GABRB2: variants seen among roughly 807,000 people sequenced by gnomAD.
The protein encoded by GABRB2 is gamma-aminobutyric acid type A receptor subunit beta2.
GABRB2 carries 16 observed loss-of-function variants against 54.7 expected under a neutral mutation model. The observed-to-expected ratio is 0.29, with a 90% CI of 0.20 to 0.44. GABRB2 has a LOEUF of 0.44. GABRB2 is among the 20% of genes least tolerant of loss of function. The pLI is 1.00. For synonymous variants in GABRB2, 244 were observed against 233.8 expected, an observed-to-expected ratio of 1.04 and a Z score of -0.40; for missense variants, 355 against 644.0, an observed-to-expected ratio of 0.55 and a Z score of 4.86.
rs1333556776 is a variant in GABRB2 at position 161,290,535 on chromosome 5, TA to T, written c.*3545del. On this transcript the variant is annotated 3_prime_UTR_variant, in exon 10 of 10. Transcript: ENST00000393959. ...GTATGTTGATTTTTGTTTGCCAAAT[TA>T]AAAATACTCATATACTGGTTTAATG... 6.6e-6 allele frequency: 1 copy of T among 152,548 alleles called. No homozygotes were observed. Among genetic ancestry groups the T allele is most frequent in the African/African-American group, 2.4e-5 (1 of 41,432 alleles). The allele number at this position is 152,548 out of a possible 1,614,324, so 9.4% of individuals were successfully genotyped here.
At chr5:161,484,358 C>T (rs1758854751) in intron 3 of GABRB2, among the ~76,000 whole-genome samples, 3 of 151,962 alleles carry the variant, frequency 2.0e-5, no homozygotes, top group African/African-American at 7.2e-5. Context: ...TTCTTACTAA[C>T]TTCCCTTCTC....
At chr5:161,334,315 G>A (rs1055196065) in intron 7 of GABRB2, among the ~76,000 whole-genome samples, 1 of 152,168 alleles carries the variant, frequency 6.6e-6, no homozygotes, top group Non-Finnish European at 1.5e-5. Flanking sequence ...CCTTAGTCAT[G>A]CTACTCTGAA....
chr5:161,357,184 A>G (rs1027616203), intron 5 of GABRB2, among the ~76,000 whole-genome samples: 17 of 152,314 alleles, frequency 1.1e-4, no homozygotes, highest in African/African-American at 4.1e-4. Context: ...TGAAGTTGCA[A>G]TTTTAAGCAG....
Position 161,303,240 on chromosome 5 carries a change from T to C in GABRB2, c.1192-8812A>G, listed in dbSNP as rs184401899. ...TTTATGGATTCAAACCTATGCTTTT[T>C]CTACTAATTGTTTTCAATATATAAC... On this transcript the variant is annotated intron_variant, in intron 9 of 9. Transcript: ENST00000393959. Among the ~76,000 whole-genome samples the C allele has an allele frequency of 1.7e-3, 252 of 152,312 alleles. 1 individual carries two copies. The highest frequency in any genetic ancestry group is 2.6e-3 in the Non-Finnish European group (175 of 68,020).
At chr5:161,492,293 C>T (rs564968662) in intron 3 of GABRB2, among the ~76,000 whole-genome samples, 1 of 151,628 alleles carries the variant, frequency 6.6e-6, no homozygotes, top group African/African-American at 2.4e-5. Context: ...TGTGCTTCTT[C>T]GTCTCTTCTC....
chr5:161,506,924 A>G (rs1414100983), intron 3 of GABRB2, among the ~76,000 whole-genome samples: 1 of 152,198 alleles, frequency 6.6e-6, no homozygotes, highest in Non-Finnish European at 1.5e-5. Context: ...CCCTACATAG[A>G]AATTAATTCA....
At chr5:161,533,239 T>C (rs1462025349) in intron 3 of GABRB2, among the ~76,000 whole-genome samples, 1 of 152,206 alleles carries the variant, frequency 6.6e-6, no homozygotes, top group Admixed American at 6.6e-5. Flanking sequence ...ATATAAATCA[T>C]GACAAGATAT....
intron 3 of GABRB2, among the ~76,000 whole-genome samples, chr5:161,516,123 C>T (rs1759939624): frequency 6.6e-6 from 1 of 152,104 alleles, no homozygotes; most frequent in Non-Finnish European, 1.5e-5. Flanking sequence ...TCCTCAAATG[C>T]AAAATAGTAC....
intron 3 of GABRB2, among the ~76,000 whole-genome samples, chr5:161,494,538 CGTGTGTGTGTGT>C (rs35292247): frequency 1.4e-5 from 2 of 146,140 alleles, no homozygotes; most frequent in South Asian, 2.2e-4. Flanking sequence ...GTTAGGTATG[CGTGTGTGTGTGT>C]GTGTGTGTGT....
At chr5:161,460,133 T>A (rs1331904165) in intron 3 of GABRB2, among the ~76,000 whole-genome samples, 1 of 151,940 alleles carries the variant, frequency 6.6e-6, no homozygotes, top group African/African-American at 2.4e-5. Context: ...TTTAGTAGAG[T>A]TGGGGTTTCA....
At chr5:161,498,418 T>G (rs1395352012) in intron 3 of GABRB2, among the ~76,000 whole-genome samples, 1 of 152,100 alleles carries the variant, frequency 6.6e-6, no homozygotes, top group Non-Finnish European at 1.5e-5. Context: ...GGCTTTGAGA[T>G]GCTGGAGCTG....
chr5:161,427,226 G>A (rs901841464), intron 4 of GABRB2, among the ~76,000 whole-genome samples: 7 of 152,156 alleles, frequency 4.6e-5, no homozygotes, highest in Non-Finnish European at 8.8e-5. Flanking sequence ...TGTAATAACA[G>A]TCTCCATTTA....
chr5:161,344,530 A>T (rs77578208), intron 5 of GABRB2, among the ~76,000 whole-genome samples: 1 of 152,058 alleles, frequency 6.6e-6, no homozygotes, highest in African/African-American at 2.4e-5. Context: ...TAAAAAAAAA[A>T]GTTGATGGGA....
At position 161,310,852 on chromosome 5, in the gene GABRB2, T is replaced by A. The variant is rs961321190; in HGVS notation, c.1191+15516A>T. 4.7e-5 allele frequency among the ~76,000 whole-genome samples: 7 copies of A among 150,208 alleles called. No individual in the cohort carries two copies. The South Asian group carries it at 1.5e-3, about 32-fold the overall frequency. ...ATCTCGGCTCACTGCAAGCTCCACC[T>A]CCCAAGTTCACGCCGTTCTCCTGCC... On this transcript the variant is annotated intron_variant, in intron 9 of 9. Transcript: ENST00000393959.
intron 9 of GABRB2, among the ~76,000 whole-genome samples, chr5:161,310,922 G>A (rs1367452061): frequency 1.3e-5 from 2 of 152,014 alleles, no homozygotes; most frequent in Non-Finnish European, 2.9e-5. Flanking sequence ...CACCACGCCC[G>A]GCTAATTTTT....
intron 5 of GABRB2, among the ~76,000 whole-genome samples, chr5:161,408,066 T>C (rs1005578677): frequency 6.6e-6 from 1 of 152,058 alleles, no homozygotes; most frequent in Non-Finnish European, 1.5e-5. Flanking sequence ...TTGGCAGCAA[T>C]TTTAGCAATG....
intron 5 of GABRB2, among the ~76,000 whole-genome samples, chr5:161,390,567 C>T (rs1452278440): frequency 6.6e-6 from 1 of 151,986 alleles, no homozygotes; most frequent in Non-Finnish European, 1.5e-5. Flanking sequence ...TGTTAATTTC[C>T]TAGTTTTGAT....
chr5:161,517,985 T>A (rs1490370174), intron 3 of GABRB2, among the ~76,000 whole-genome samples: 1 of 152,094 alleles, frequency 6.6e-6, no homozygotes, highest in Non-Finnish European at 1.5e-5. Flanking sequence ...ATTTTTTGTA[T>A]TTTTAGTAGA....
chr5:161,307,527 C>G (rs943329531), intron 9 of GABRB2, among the ~76,000 whole-genome samples: 1 of 152,196 alleles, frequency 6.6e-6, no homozygotes. Context: ...GCTAGCTCCT[C>G]TGCTGATTAG....
Sources: allele counts gnomAD v4.1 joint callset (sites outside exome capture counted in the v4.1 genomes callset), GRCh38; gene constraint gnomAD v4.1.1; transcripts MANE v1.5; gene names NCBI Gene and HGNC (gene_info 2026-07-23, HGNC 2026-07-21).